The following SLC34A1 variants were observed in gnomAD, a reference collection of about 807,000 sequenced individuals.
SLC34A1 encodes sodium-dependent phosphate transport protein 2A.
SLC34A1 carries 57 observed loss-of-function variants against 51.4 expected under a neutral mutation model. The observed-to-expected ratio is 1.11, with a 90% CI of 0.90 to 1.38. The LOEUF is 1.38. SLC34A1 is among the 40% of genes most tolerant of loss of function. The probability of loss-of-function intolerance (pLI) is 0.00; values close to 1 mark genes in which losing one functional copy is unlikely to be tolerated. For missense variants in SLC34A1, 796 were observed against 835.6 expected, an observed-to-expected ratio of 0.95 and a Z score of 0.58; for synonymous variants, 368 against 358.0, an observed-to-expected ratio of 1.03 and a Z score of -0.32.
chr5:177,397,955 T>C lies in SLC34A1; in HGVS notation c.1589T>C (p.Val530Ala). 2 of 1,614,054 alleles carry C rather than the reference T, an allele frequency of 1.2e-6. No individual in the cohort carries two copies. The highest frequency in any genetic ancestry group is 1.6e-4 in the Middle Eastern group (1 of 6,062). Residue 530 changes from valine (V) to alanine (A), a missense_variant, in exon 13 of 13, where the codon GTG becomes GCG. Physicochemically the swap from Val to Ala is moderately conservative, Grantham distance 64. Transcript: ENST00000324417. ...TGCTTCCTGCTGCTGCCCTCACTGG[T>C]GTTTGGCATCTCCATGGCAGGCTGG... is the stretch of plus-strand genomic sequence containing the variant. ...LVCFLLLPSL[V>A]FGISMAGWQV...
chr5:177,385,218 G>A (rs556205653), intron 1 of SLC34A1, among the ~76,000 whole-genome samples: 1 of 152,148 alleles, frequency 6.6e-6, no homozygotes, highest in Non-Finnish European at 1.5e-5. Flanking sequence ...ACTGAAGCCC[G>A]GCCCAGCCCC....
chr5:177,387,701 T>G (rs1762637015), intron 5 of SLC34A1, 61 bp from the exon 6 acceptor site: 1 of 1,365,288 alleles, frequency 7.3e-7, no homozygotes, highest in Admixed American at 1.7e-5. Flanking sequence ...CTGACAGGAG[T>G]TGTGGTGGTG....
rs1276671699 is a variant in SLC34A1, at chr5:177,396,483, GGTCCTCTCTCCC to G, written c.1175-249_1175-238del. On this transcript the variant is annotated intron_variant, in intron 10 of 12. Coordinates refer to ENST00000324417, the MANE Select transcript of SLC34A1 (RefSeq NM_003052.5). This position sits in a 1 kb window ranked among gnomAD's most constrained non-coding sequence, Gnocchi z 4.0. Reference sequence around the variant, plus strand: ...TCCGCTCTCCCAGTGCCCCCGCGGAGGTCCTCTCTCCCAGTGCCCCCGCGGAGGTCCTCTCTC... The same window carrying G: ...TCCGCTCTCCCAGTGCCCCCGCGGAGAGTGCCCCCGCGGAGGTCCTCTCTC... Among the ~76,000 whole-genome samples the G allele has an allele frequency of 6.6e-5, 9 of 135,820 alleles. No individual in the cohort carries two copies. Among genetic ancestry groups the G allele is most frequent in the African/African-American group, 2.3e-4 (9 of 38,496 alleles). 89.1% of individuals were successfully genotyped at this position (135,820 alleles called of 152,430 possible).
intron 10 of SLC34A1, among the ~76,000 whole-genome samples, chr5:177,395,797 C>A (rs1762936828): frequency 6.6e-6 from 1 of 152,178 alleles, no homozygotes; most frequent in Non-Finnish European, 1.5e-5. Flanking sequence ...CCACACTCAG[C>A]TAATTTTTGT....
Position 177,385,843 on chromosome 5 carries a change from C to A in SLC34A1, c.102C>A (p.Ser34Arg), listed in dbSNP as rs747280512. Reference protein sequence around the residue: ...MRGTAFAYVPSPQVLHRIPGT... With the variant: ...MRGTAFAYVPRPQVLHRIPGT... Reference sequence around the variant, plus strand: ...GGACGGCCTTTGCCTACGTGCCCAGCCCTCAGGGTAAGTGCTGCTCCCACA... The same window carrying A: ...GGACGGCCTTTGCCTACGTGCCCAGACCTCAGGGTAAGTGCTGCTCCCACA... Residue 34 changes from serine to arginine, a missense_variant, in exon 2 of 13, where the codon AGC becomes AGA. Coordinates refer to ENST00000324417, the MANE Select transcript of SLC34A1 (RefSeq NM_003052.5). 4.3e-6 allele frequency: 7 copies of A among 1,613,582 alleles called. No homozygotes were observed. The South Asian group carries it at 6.6e-5, about 15-fold the overall frequency.
chr5:177,397,436 GAC>G lies in SLC34A1; in HGVS notation c.1417-345_1417-344del, dbSNP rs1763007379. Reference sequence around the variant, plus strand: ...TTATTCTAGGAGCAAAGGAGTAACTGACAAGCCAAGGCACTGACTGAATGAGG... The same window carrying G: ...TTATTCTAGGAGCAAAGGAGTAACTGAAGCCAAGGCACTGACTGAATGAGG... On this transcript the variant is annotated intron_variant, in intron 12 of 12. Coordinates refer to ENST00000324417, the MANE Select transcript of SLC34A1 (RefSeq NM_003052.5). The G allele has an allele frequency of 6.0e-6, 3 of 497,506 alleles. No individual in the cohort carries two copies. In the Admixed American group the frequency reaches 9.9e-5, roughly 16 times the overall value. 30.8% of individuals were successfully genotyped at this position (497,506 alleles called of 1,614,324 possible). A position where few individuals can be genotyped will look rare whatever the true frequency, so the allele number is the denominator to read the frequency against.
chr5:177,394,843 G>C (rs551629518), intron 10 of SLC34A1, among the ~76,000 whole-genome samples: 1 of 151,958 alleles, frequency 6.6e-6, no homozygotes, highest in African/African-American at 2.4e-5. Flanking sequence ...ACAGGTGCCG[G>C]CCACAACACC....
At chr5:177,397,657 C>A in intron 12 of SLC34A1, 126 bp from the exon 13 acceptor site, 1 of 1,272,392 alleles carries the variant, frequency 7.9e-7, no homozygotes, top group Non-Finnish European at 1.1e-6. Flanking sequence ...GGGGGCACAT[C>A]ACCCCTAAGT....
intron 9 of SLC34A1, 23 bp from the exon 10 acceptor site, chr5:177,394,005 G>T (rs542593695): frequency 6.2e-7 from 1 of 1,613,758 alleles, no homozygotes; most frequent in Admixed American, 1.7e-5. Flanking sequence ...GGGGTCAGCT[G>T]TCAGGAGCTC....
At chr5:177,395,940 T>C (rs1350877332) in intron 10 of SLC34A1, among the ~76,000 whole-genome samples, 1 of 152,186 alleles carries the variant, frequency 6.6e-6, no homozygotes, top group African/African-American at 2.4e-5. Flanking sequence ...AGCCTCTTCC[T>C]ATTAACCATA....
Position 177,398,502 on chromosome 5 carries a change from G to A in SLC34A1, c.*216G>A. Reference sequence around the variant, plus strand: ...GTGCACCTGTCATGTGTAGAAGCTTGTATTTGTGTACAGGTGTGCCAGCCC... The same window carrying A: ...GTGCACCTGTCATGTGTAGAAGCTTATATTTGTGTACAGGTGTGCCAGCCC... On this transcript the variant is annotated 3_prime_UTR_variant, in exon 13 of 13. Coordinates refer to ENST00000324417, the MANE Select transcript of SLC34A1 (RefSeq NM_003052.5). The surrounding 1 kb of genome is among the most constrained non-coding windows in gnomAD (Gnocchi z 4.7). The A allele has an allele frequency of 1.6e-6, 1 of 642,464 alleles. No homozygotes were observed. Among genetic ancestry groups the A allele is most frequent in the Non-Finnish European group, 2.8e-6 (1 of 355,134 alleles). The allele number at this position is 642,464 out of a possible 1,614,324, so 39.8% of individuals were successfully genotyped here.
rs1417063143 is a variant in SLC34A1, at chr5:177,384,857, C to T, written c.-48+370C>T. On this transcript the variant is annotated intron_variant, in intron 1 of 12. Transcript: ENST00000324417. ...AGCCTGGGCGGTAAGAGTGAAACTC[C>T]ATCTCAAAAAAAAAAAAAAAAAGGA... 1.0e-4 allele frequency among the ~76,000 whole-genome samples: 14 copies of T among 138,450 alleles called. No individual in the cohort carries two copies. The East Asian group carries it at 2.9e-3, about 28-fold the overall frequency. 90.8% of individuals were successfully genotyped at this position (138,450 alleles called of 152,430 possible).
rs1762965643 is a variant in SLC34A1 at position 177,396,488 on chromosome 5, T to TCTCCCAGTGCCCCCGCGGAGGTCCG, written c.1175-242_1175-241insCCAGTGCCCCCGCGGAGGTCCGCTC. Among the ~76,000 whole-genome samples, 1 of 66,806 alleles carries TCTCCCAGTGCCCCCGCGGAGGTCCG rather than the reference T, an allele frequency of 1.5e-5. No homozygotes were observed. The highest frequency in any genetic ancestry group is 5.4e-5 in the African/African-American group (1 of 18,452). 43.8% of individuals were successfully genotyped at this position (66,806 alleles called of 152,430 possible). A position where few individuals can be genotyped will look rare whatever the true frequency, so the allele number is the denominator to read the frequency against. On this transcript the variant is annotated intron_variant, in intron 10 of 12. Coordinates refer to ENST00000324417, the MANE Select transcript of SLC34A1 (RefSeq NM_003052.5). This position sits in a 1 kb window ranked among gnomAD's most constrained non-coding sequence, Gnocchi z 4.0. ...TCTCCCAGTGCCCCCGCGGAGGTCC[T>TCTCCCAGTGCCCCCGCGGAGGTCCG]CTCTCCCAGTGCCCCCGCGGAGGTC... is the stretch of plus-strand genomic sequence containing the variant.
Position 177,394,108 on chromosome 5 carries a change from T to C in SLC34A1, c.1087T>C (p.Cys363Arg), listed in dbSNP as rs1762887380. 9 of 1,613,936 alleles carry C rather than the reference T, an allele frequency of 5.6e-6. No homozygotes were observed. The highest frequency in any genetic ancestry group is 7.6e-6 in the Non-Finnish European group (9 of 1,179,956). The change falls in exon 10 of 13, where the codon TGC (cysteine) becomes CGC (arginine). Residue 363 changes from cysteine (C) to arginine (R), a missense_variant. Transcript: ENST00000324417. ...GCTGGCAGGATCCCTGGTGCTGCTG[T>C]GCACCTGCCTCATCCTCCTAGTCAA... ...ILLAGSLVLL[C>R]TCLILLVKML...
chr5:177,396,025 C>G lies in SLC34A1; in HGVS notation c.1175-708C>G, dbSNP rs1424447742. ...GAACTCCCAGCCTCAGGTGATCCAC[C>G]CAACTCAGCATCCCAAAGTGCTGGG... On this transcript the variant is annotated intron_variant, in intron 10 of 12. Transcript: ENST00000324417. The surrounding 1 kb of genome is among the most constrained non-coding windows in gnomAD (Gnocchi z 4.0). Among the ~76,000 whole-genome samples, 1 of 152,000 alleles carries G rather than the reference C, an allele frequency of 6.6e-6. No homozygotes were observed. The highest frequency in any genetic ancestry group is 1.5e-5 in the Non-Finnish European group (1 of 68,006).
At position 177,397,038 on chromosome 5, in the gene SLC34A1, G is replaced by A; in HGVS notation, c.1380G>A (p.Leu460=). ...CCACCACGGCCATCCTGGCTGCCCT[G>A]GCCAGCCCCAGGGAGAAGCTGTCCA... is the stretch of plus-strand genomic sequence containing the variant. The part of the protein sequence containing the change: ...GTTTTAILAA[L]ASPREKLSSA... Residue 460 remains leucine (L), a synonymous_variant, in exon 12 of 13, where the codon CTG becomes CTA. Transcript: ENST00000324417. 6.2e-7 allele frequency: 1 copy of A among 1,613,968 alleles called. No homozygotes were observed. The highest frequency in any genetic ancestry group is 8.5e-7 in the Non-Finnish European group (1 of 1,180,022).
chr5:177,397,563 G>C, intron 12 of SLC34A1: 1 of 630,458 alleles, frequency 1.6e-6, no homozygotes. Flanking sequence ...GGGGAGCTCA[G>C]GGCAGTAGTT....
At chr5:177,389,845 T>G in intron 8 of SLC34A1, 6 of 1,481,688 alleles carry the variant, frequency 4.0e-6, no homozygotes, top group Non-Finnish European at 1.8e-6. Flanking sequence ...GGCCTTTCTC[T>G]ACGGCTGCAG....
chr5:177,388,148 C>A lies in SLC34A1; in HGVS notation c.799C>A (p.Leu267Ile). Reference sequence around the variant, plus strand: ...TGGTGGCCGTGATGCTCCTGACCTGCTCAAGATCATCACAGAGCCCTTCAC... The same window carrying A: ...TGGTGGCCGTGATGCTCCTGACCTGATCAAGATCATCACAGAGCCCTTCAC... ...IHGGRDAPDL[L>I]KIITEPFTKL... is the part of the protein sequence containing the mutation. The change falls in exon 7 of 13, where the codon CTC becomes ATC. Residue 267 changes from leucine (L) to isoleucine (I), a missense_variant. Leu to Ile is a conservative substitution (Grantham distance 5). Coordinates refer to ENST00000324417, the MANE Select transcript of SLC34A1 (RefSeq NM_003052.5). This position sits in a 1 kb window ranked among gnomAD's most constrained non-coding sequence, Gnocchi z 4.3. The A allele has an allele frequency of 6.2e-7, 1 of 1,614,156 alleles. No individual in the cohort carries two copies. Among genetic ancestry groups the A allele is most frequent in the South Asian group, 1.1e-5 (1 of 91,088 alleles).
Sources: gnomAD v4.1 joint callset for allele counts (sites outside exome capture counted in the v4.1 genomes callset) on GRCh38, gnomAD v4.1.1 for gene constraint, Gnocchi (gnomAD v3.1) non-coding constraint, MANE v1.5 for transcripts, NCBI Gene and HGNC (gene_info 2026-07-23, HGNC 2026-07-21) for gene names.